Variants in NBEA observed in about 807,000 individuals in gnomAD.
The protein encoded by NBEA is neurobeachin.
NBEA carries 44 observed loss-of-function variants against 343.4 expected under a neutral mutation model. The observed-to-expected ratio is 0.13, with a 90% CI of 0.10 to 0.16. The LOEUF (loss-of-function observed/expected upper bound fraction) is 0.16. Ranked by LOEUF, NBEA falls within the 10% of genes least tolerant of loss-of-function variation. NBEA has a pLI of 1.00. For synonymous variants in NBEA, 1,175 were observed against 1,238.7 expected, an observed-to-expected ratio of 0.95 and a Z score of 1.08; for missense variants, 2,555 against 3,631.3, an observed-to-expected ratio of 0.70 and a Z score of 7.62.
intron 38 of NBEA, among the ~76,000 whole-genome samples, chr13:35,368,690 A>C (rs2041261659): frequency 6.6e-6 from 1 of 151,638 alleles, no homozygotes; most frequent in African/African-American, 2.4e-5. Context: ...TTTAACATTT[A>C]ACAAGACTAT....
At chr13:35,513,949 A>G (rs927246270) in intron 41 of NBEA, among the ~76,000 whole-genome samples, 1 of 152,138 alleles carries the variant, frequency 6.6e-6, no homozygotes, top group African/African-American at 2.4e-5. Flanking sequence ...TATTTGTAAC[A>G]TATTCTTTGT....
chr13:35,492,414 A>C (rs2076534167), intron 41 of NBEA, among the ~76,000 whole-genome samples: 1 of 151,936 alleles, frequency 6.6e-6, no homozygotes, highest in Admixed American at 6.6e-5. Flanking sequence ...GCAAGAAAAA[A>C]TTTTAAAGGT....
In NBEA at chr13:35,376,011, A is replaced by G. The variant is rs187271178; in HGVS notation, c.6179+23688A>G. ...GATACAGTTGTCAGGGACTAATTGG[A>G]TACCCTATAAAACAAAAGACTTCAT... On this transcript the variant is annotated intron_variant, in intron 38 of 58. Transcript: ENST00000379939. Among the ~76,000 whole-genome samples the G allele has an allele frequency of 5.9e-5, 9 of 152,266 alleles. No individual in the cohort carries two copies. The East Asian group carries it at 1.7e-3, about 29-fold the overall frequency.
At chr13:35,312,354 A>G (rs2037426392) in intron 36 of NBEA, among the ~76,000 whole-genome samples, 1 of 152,128 alleles carries the variant, frequency 6.6e-6, no homozygotes, top group African/African-American at 2.4e-5. Flanking sequence ...GAGAAAAAAA[A>G]GTAGAAATAC....
In NBEA at chr13:35,171,281, G is replaced by C; in HGVS notation, c.4252G>C (p.Glu1418Gln). Residue 1418 changes from glutamate to glutamine, a missense_variant, in exon 26 of 59, where the codon GAA becomes CAA. Coordinates refer to ENST00000379939, the MANE Select transcript of NBEA (RefSeq NM_001385012.1). ...TSPTGSKTEL[E>Q]NIEVTQGMSA... is the part of the protein sequence containing the mutation. ...TTCTACTTTTTTAAAGACGGAATTG[G>C]AAAATATTGAAGTGACACAAGGCAT... 6.2e-7 allele frequency: 1 copy of C among 1,606,536 alleles called. No homozygotes were observed. The highest frequency in any genetic ancestry group is 2.2e-5 in the East Asian group (1 of 44,676).
chr13:34,970,243 G>A (rs2059956293), intron 1 of NBEA, among the ~76,000 whole-genome samples: 1 of 151,954 alleles, frequency 6.6e-6, no homozygotes, highest in South Asian at 2.1e-4. Context: ...TAATGGCATT[G>A]TTTGTTTTTT....
rs776399866 is a variant in NBEA, at chr13:35,584,005, A to G, written c.7143A>G (p.Thr2381=). 5 of 1,613,762 alleles carry G rather than the reference A, an allele frequency of 3.1e-6. No homozygotes were observed. The South Asian group carries it at 5.5e-5, about 18-fold the overall frequency. Reference sequence around the variant, plus strand: ...ACCATTATAATACCCATTATTCAACAGCAACATCTACTTTATCCTGGCTTG... The same window carrying G: ...ACCATTATAATACCCATTATTCAACGGCAACATCTACTTTATCCTGGCTTG... The part of the protein sequence containing the change: ...PPYHYNTHYS[T]ATSTLSWLVR... Residue 2381 remains threonine (T), a synonymous_variant, in exon 46 of 59, where the codon ACA becomes ACG. Coordinates refer to ENST00000379939, the MANE Select transcript of NBEA (RefSeq NM_001385012.1).
chr13:35,182,316 T>A, intron 28 of NBEA, 44 bp from the exon 29 acceptor site: 3 of 1,553,126 alleles, frequency 1.9e-6, no homozygotes, highest in Non-Finnish European at 2.6e-6. Context: ...GAACTTATAC[T>A]TCAAAAAGTT....
At chr13:35,556,875 ATTATTT>A (rs1198661913) in intron 44 of NBEA, among the ~76,000 whole-genome samples, 1 of 152,128 alleles carries the variant, frequency 6.6e-6, no homozygotes, top group Non-Finnish European at 1.5e-5. Flanking sequence ...CATGCAGTAT[ATTATTT>A]TCAGCTATAT....
chr13:35,473,121 A>G (rs111681474), intron 41 of NBEA, among the ~76,000 whole-genome samples: 3 of 152,342 alleles, frequency 2.0e-5, no homozygotes, highest in Admixed American at 6.5e-5. Context: ...TTCTTTGGAT[A>G]TAATGCCAGA....
intron 34 of NBEA, among the ~76,000 whole-genome samples, chr13:35,275,667 A>G (rs1233477403): frequency 6.6e-6 from 1 of 152,108 alleles, no homozygotes; most frequent in Non-Finnish European, 1.5e-5. Flanking sequence ...AGAAAAAAAC[A>G]AACAACCCCA....
chr13:35,133,266 T>G (rs2067526511), intron 17 of NBEA, among the ~76,000 whole-genome samples: 1 of 152,202 alleles, frequency 6.6e-6, no homozygotes, highest in African/African-American at 2.4e-5. Flanking sequence ...ATACTCAACT[T>G]CAGTAGTAAT....
intron 1 of NBEA, among the ~76,000 whole-genome samples, chr13:35,000,715 G>A (rs1354163797): frequency 6.6e-6 from 1 of 151,918 alleles, no homozygotes; most frequent in African/African-American, 2.4e-5. Flanking sequence ...GGGGAGGTGT[G>A]AAGGTCAAGT....
chr13:35,195,201 C>T (rs2072491076), intron 30 of NBEA, among the ~76,000 whole-genome samples: 1 of 151,974 alleles, frequency 6.6e-6, no homozygotes, highest in Non-Finnish European at 1.5e-5. Context: ...CTATGATTGG[C>T]AGCTAACAAT....
chr13:35,534,690 C>A (rs2078441515), intron 41 of NBEA, among the ~76,000 whole-genome samples: 1 of 152,150 alleles, frequency 6.6e-6, no homozygotes, highest in Non-Finnish European at 1.5e-5. Flanking sequence ...AAAATAGAAT[C>A]ATCCTATCAA....
In NBEA at chr13:34,967,359, T is replaced by A. The variant is rs554422438; in HGVS notation, c.294+24245T>A. Among the ~76,000 whole-genome samples the A allele has an allele frequency of 1.3e-3, 192 of 151,020 alleles. 1 individual carries two copies. Among genetic ancestry groups the A allele is most frequent in the Middle Eastern group, 0.01 (3 of 294 alleles). On this transcript the variant is annotated intron_variant, in intron 1 of 58. Transcript: ENST00000379939. ...TTTTTTTCTTTTACCTTTTTTTTTT[T>A]AAAAAAGCAAAACTGAGACCTCGTC... is the stretch of plus-strand genomic sequence containing the variant.
chr13:35,272,595 C>T (rs558737904), intron 34 of NBEA, among the ~76,000 whole-genome samples: 32 of 152,008 alleles, frequency 2.1e-4, no homozygotes, highest in Middle Eastern at 3.4e-3. Context: ...ATCAGTGTGC[C>T]GTATTCAGGA....
intron 36 of NBEA, among the ~76,000 whole-genome samples, chr13:35,346,903 C>A (rs1414044666): frequency 6.6e-6 from 1 of 152,078 alleles, no homozygotes; most frequent in Non-Finnish European, 1.5e-5. Flanking sequence ...TCAGTATTTA[C>A]ATTACCACCC....
chr13:35,000,241 T>C (rs1593418668), intron 1 of NBEA, among the ~76,000 whole-genome samples: 1 of 152,126 alleles, frequency 6.6e-6, no homozygotes, highest in Middle Eastern at 3.4e-3. Context: ...CAGGAGAAAA[T>C]AATGGGATAC....
Sources: gnomAD v4.1 joint callset for allele counts (sites outside exome capture counted in the v4.1 genomes callset) on GRCh38, gnomAD v4.1.1 for gene constraint, MANE v1.5 for transcripts, NCBI Gene and HGNC (gene_info 2026-07-23, HGNC 2026-07-21) for gene names.